Variants in CSTPP1 observed in about 807,000 individuals in gnomAD.
CSTPP1 encodes the protein centriolar satellite-associated tubulin polyglutamylase complex regulator 1, also known as UPF0705 protein C11orf49.
At chr11:46,938,097 C>T in the CSTPP1 span, among the ~76,000 whole-genome samples, 7 of 151,928 alleles carry the variant, frequency 4.6e-5, 1 homozygote, top group Admixed American at 6.6e-5. Context: ...TGGTCTCAAA[C>T]TCCTGACCTC....
chr11:47,074,373 C>T, the CSTPP1 span, among the ~76,000 whole-genome samples: 6 of 151,082 alleles, frequency 4.0e-5, no homozygotes, highest in Admixed American at 6.6e-5. Context: ...TAGTGGCTCA[C>T]GCCTCTGGCC....
chr11:47,117,930 A>G, the CSTPP1 span, among the ~76,000 whole-genome samples: 1 of 125,070 alleles, frequency 8.0e-6, no homozygotes, highest in African/African-American at 3.1e-5. Context: ...CCCAGGCTAG[A>G]GTGCAATGGC....
the CSTPP1 span, among the ~76,000 whole-genome samples, chr11:47,146,292 G>T: frequency 6.6e-6 from 1 of 151,472 alleles, no homozygotes; most frequent in Non-Finnish European, 1.5e-5. Context: ...TTGAACCCGG[G>T]AGGTGGAGAT....
At chr11:47,149,797 G>A in the CSTPP1 span, among the ~76,000 whole-genome samples, 1 of 152,090 alleles carries the variant, frequency 6.6e-6, no homozygotes, top group Non-Finnish European at 1.5e-5. Context: ...AACACTAACA[G>A]GAGGAGCTGT....
the CSTPP1 span, among the ~76,000 whole-genome samples, chr11:47,062,861 A>G: frequency 6.6e-6 from 1 of 152,222 alleles, no homozygotes; most frequent in African/African-American, 2.4e-5. Flanking sequence ...TGAAGAATGG[A>G]AAATCCTCCC....
the CSTPP1 span, among the ~76,000 whole-genome samples, chr11:47,016,392 AAAAACAAAAAAC>A: frequency 2.4e-4 from 35 of 146,256 alleles, 2 homozygotes; most frequent in South Asian, 4.3e-4. Flanking sequence ...GGAATCTACA[AAAAACAAAAAAC>A]AAAAAACAAA....
the CSTPP1 span, among the ~76,000 whole-genome samples, chr11:47,100,203 A>AT: frequency 1.5e-4 from 22 of 151,700 alleles, no homozygotes; most frequent in East Asian, 1.4e-3. Flanking sequence ...AGATATGAAG[A>AT]TTTTTTTTTG....
the CSTPP1 span, among the ~76,000 whole-genome samples, chr11:47,075,913 C>A: frequency 2.8e-5 from 3 of 105,988 alleles, no homozygotes; most frequent in Non-Finnish European, 5.1e-5. Flanking sequence ...GGTGACAGAG[C>A]GAGATTCATT....
the CSTPP1 span, among the ~76,000 whole-genome samples, chr11:47,029,804 GA>G: frequency 1.7e-3 from 234 of 138,848 alleles, 2 homozygotes; most frequent in Non-Finnish European, 8.8e-4. Flanking sequence ...AGGATTCCTT[GA>G]AAAAAAAAAA....
chr11:46,947,881 AAC>A, the CSTPP1 span: 7 of 358,654 alleles, frequency 2.0e-5, no homozygotes, highest in Admixed American at 1.8e-4. Flanking sequence ...GCCCAAAGTA[AAC>A]AGAGGCATCT....
chr11:47,125,294 T>C, the CSTPP1 span, among the ~76,000 whole-genome samples: 52 of 152,312 alleles, frequency 3.4e-4, no homozygotes, highest in East Asian at 9.6e-3. Flanking sequence ...AAATCCATCA[T>C]CATTGGTGGA....
chr11:47,146,233 C>T, the CSTPP1 span, among the ~76,000 whole-genome samples: 4 of 151,876 alleles, frequency 2.6e-5, no homozygotes, highest in Non-Finnish European at 5.9e-5. Flanking sequence ...GGCATGGTGG[C>T]GGGCGCCTGT....
At chr11:47,125,972 G>A in the CSTPP1 span, among the ~76,000 whole-genome samples, 1 of 150,932 alleles carries the variant, frequency 6.6e-6, no homozygotes, top group Admixed American at 6.6e-5. Context: ...AGCTAAGATT[G>A]TACCGCTGTA....
At chr11:47,058,111 A>C in the CSTPP1 span, among the ~76,000 whole-genome samples, 2 of 152,216 alleles carry the variant, frequency 1.3e-5, no homozygotes, top group African/African-American at 2.4e-5. Flanking sequence ...AGGCAAGTGG[A>C]TCACTTGAGC....
chr11:47,086,404 G>GA, the CSTPP1 span, among the ~76,000 whole-genome samples: 3 of 151,476 alleles, frequency 2.0e-5, no homozygotes, highest in East Asian at 5.8e-4. Flanking sequence ...AGACTCTGTG[G>GA]AAAAAAAATT....
chr11:46,944,663 T>C, the CSTPP1 span, among the ~76,000 whole-genome samples: 1 of 152,176 alleles, frequency 6.6e-6, no homozygotes, highest in Non-Finnish European at 1.5e-5. Context: ...AGACTCTCAC[T>C]GCACACTGCT....
the CSTPP1 span, among the ~76,000 whole-genome samples, chr11:47,023,657 A>T: frequency 6.6e-6 from 1 of 152,148 alleles, no homozygotes; most frequent in Non-Finnish European, 1.5e-5. Flanking sequence ...TACTTTCTGT[A>T]TCTAGGAATT....
chr11:47,102,910 A>T, the CSTPP1 span, among the ~76,000 whole-genome samples: 1 of 149,444 alleles, frequency 6.7e-6, no homozygotes, highest in Non-Finnish European at 1.5e-5. Context: ...TTAAGGTAAG[A>T]GGTTTCTTTT....
the CSTPP1 span, among the ~76,000 whole-genome samples, chr11:47,163,336 T>G: frequency 6.6e-6 from 1 of 152,188 alleles, no homozygotes; most frequent in South Asian, 2.1e-4. Flanking sequence ...TCTAACTCTA[T>G]CAACTTGGGA....
Sources: gnomAD v4.1 joint callset for allele counts (sites outside exome capture counted in the v4.1 genomes callset) on GRCh38, gnomAD v4.1.1 for gene constraint, MANE v1.5 for transcripts, NCBI Gene and HGNC (gene_info 2026-07-23, HGNC 2026-07-21) for gene names.